Variants in OR7A10 observed in about 807,000 individuals in gnomAD.
The protein encoded by OR7A10 is olfactory receptor family 7 subfamily A member 10, also known as olfactory receptor 7A10.
For synonymous variants in OR7A10, 144 were observed against 144.5 expected, an observed-to-expected ratio of 1.00 and a Z score of 0.02; for missense variants, 358 against 370.1, an observed-to-expected ratio of 0.97 and a Z score of 0.27.
chr19:14,842,995 A>C (rs553678557), intron 1 of OR7A10, among the ~76,000 whole-genome samples: 2 of 152,346 alleles, frequency 1.3e-5, no homozygotes, highest in African/African-American at 4.8e-5. Flanking sequence ...AGCAAAAAAC[A>C]AACAACCCCA....
intron 1 of OR7A10, among the ~76,000 whole-genome samples, chr19:14,844,803 T>C (rs1405847762): frequency 2.0e-5 from 3 of 151,294 alleles, no homozygotes; most frequent in East Asian, 3.9e-4. Context: ...GCTGGGATTA[T>C]AGGCGCCTGC....
rs139561502 is a variant in OR7A10, at chr19:14,841,641, C to A, written c.237G>T (p.Pro79=). The A allele has an allele frequency of 1.3e-5, 21 of 1,614,080 alleles. No individual in the cohort carries two copies. The highest frequency in any genetic ancestry group is 1.7e-5 in the Non-Finnish European group (20 of 1,180,028). The change falls in exon 2 of 2, where the codon CCG becomes CCT. Residue 79 remains proline, a synonymous_variant. Transcript: ENST00000641129. ...VDICFVSTTV[P]KMLVNIQTHN... is the part of the protein sequence containing the mutation. ...GTGTCTGGATGTTCACCAGCATCTT[C>A]GGGACAGTGGTAGAGACAAAACAGA...
chr19:14,840,838 A>G lies in OR7A10; in HGVS notation c.*110T>C, dbSNP rs908557515. ...AACAAAGAAGTTTAAACTCCAGGAAATAAATGGAAGGGGCAAGTCTTCCTT... is the reference window on the plus strand; with the variant it reads ...AACAAAGAAGTTTAAACTCCAGGAAGTAAATGGAAGGGGCAAGTCTTCCTT... On this transcript the variant is annotated 3_prime_UTR_variant, in exon 2 of 2. Coordinates refer to ENST00000641129, the MANE Select transcript of OR7A10 (RefSeq NM_001005190.2). The G allele has an allele frequency of 4.0e-6, 3 of 740,826 alleles. No individual in the cohort carries two copies. The highest frequency in any genetic ancestry group is 6.6e-6 in the Non-Finnish European group (3 of 453,880). The allele number at this position is 740,826 out of a possible 1,614,324, so 45.9% of individuals were successfully genotyped here. A position where few individuals can be genotyped will look rare whatever the true frequency, so the allele number is the denominator to read the frequency against.
chr19:14,842,757 A>T (rs775020995), intron 1 of OR7A10, among the ~76,000 whole-genome samples: 1 of 152,152 alleles, frequency 6.6e-6, no homozygotes, highest in Non-Finnish European at 1.5e-5. Context: ...TTCTTTATCC[A>T]GTCTACCGTT....
chr19:14,841,919 AGAGT>A, intron 1 of OR7A10, 30 bp from the exon 2 acceptor site: 3 of 1,320,798 alleles, frequency 2.3e-6, no homozygotes, highest in South Asian at 1.4e-5. Context: ...AGAGAGAGAG[AGAGT>A]GAAAGAACAT....
chr19:14,841,916 G>A (rs1002181515), intron 1 of OR7A10, 27 bp from the exon 2 acceptor site: 1 of 1,411,498 alleles, frequency 7.1e-7, no homozygotes. Flanking sequence ...GAGAGAGAGA[G>A]AGAGAGTGAA....
Position 14,841,019 on chromosome 19 carries a change from G to A in OR7A10, c.859C>T (p.Pro287Ser), listed in dbSNP as rs756394114. Residue 287 changes from proline to serine, a missense_variant, in exon 2 of 2, where the codon CCC (proline) becomes TCC (serine). Physicochemically the swap from Pro to Ser is moderately conservative, Grantham distance 74. Coordinates refer to ENST00000641129, the MANE Select transcript of OR7A10 (RefSeq NM_001005190.2). ...MYTVVTPMLN[P>S]FIYSLRNKHI... The stretch of plus-strand genomic sequence containing the variant: ...TTATTCCTCAGACTGTAGATGAAGG[G>A]GTTCAGCATGGGGGTGACCACAGTG... 1.1e-5 allele frequency: 18 copies of A among 1,613,918 alleles called. No individual in the cohort carries two copies. The African/African-American group carries it at 1.9e-4, about 17-fold the overall frequency.
intron 1 of OR7A10, among the ~76,000 whole-genome samples, chr19:14,844,360 C>A (rs2044929986): frequency 6.6e-6 from 1 of 152,196 alleles, no homozygotes. Context: ...ACCTTCCCTG[C>A]AGAAGTGTGT....
intron 1 of OR7A10, among the ~76,000 whole-genome samples, chr19:14,844,964 A>G (rs996410289): frequency 1.3e-5 from 2 of 151,312 alleles, no homozygotes; most frequent in African/African-American, 2.4e-5. Context: ...TGCCAGGCCA[A>G]CTTCTGGTCT....
At chr19:14,842,258 G>C (rs2044919416) in intron 1 of OR7A10, among the ~76,000 whole-genome samples, 1 of 152,104 alleles carries the variant, frequency 6.6e-6, no homozygotes. Context: ...CTATTCTCTT[G>C]TTTTCTTTTT....
In OR7A10 at chr19:14,848,774, T is replaced by C. The variant is rs1371106359; in HGVS notation, c.-287A>G. On this transcript the variant is annotated 5_prime_UTR_variant, in exon 1 of 2. An upstream open reading frame in the 5' UTR loses its in-frame stop. Coordinates refer to ENST00000641129, the MANE Select transcript of OR7A10 (RefSeq NM_001005190.2). ...TTTCCTCCTGTTATTCAACCCCTGA[T>C]CACATTCAGTCCCTGTGGGACATTG... The C allele has an allele frequency of 6.6e-6, 1 of 152,224 alleles. No individual in the cohort carries two copies. Among genetic ancestry groups the C allele is most frequent in the Non-Finnish European group, 1.5e-5 (1 of 68,046 alleles). 9.4% of individuals were successfully genotyped at this position (152,224 alleles called of 1,614,324 possible).
At position 14,841,722 on chromosome 19, in the gene OR7A10, G is replaced by T. The variant is rs201371145; in HGVS notation, c.156C>A (p.Asp52Glu). ...NLLIILATISDSHLHTPMYFF... is the reference protein window; with the variant it reads ...NLLIILATISESHLHTPMYFF... ...AGTACATGGGGGTGTGGAGGTGGGA[G>T]TCTGAGATTGTGGCCAGGATGATGA... Residue 52 changes from aspartate to glutamate, a missense_variant, in exon 2 of 2, where the codon GAC (aspartate) becomes GAA (glutamate). By Grantham distance (45) the Asp-to-Glu change is conservative. Coordinates refer to ENST00000641129, the MANE Select transcript of OR7A10 (RefSeq NM_001005190.2). 5 of 1,614,142 alleles carry T rather than the reference G, an allele frequency of 3.1e-6. No homozygotes were observed. In the East Asian group the frequency reaches 1.1e-4, roughly 36 times the overall value.
chr19:14,841,447 A>G lies in OR7A10; in HGVS notation c.431T>C (p.Leu144Pro), dbSNP rs375595682. ...ACTCATGATCCAGGATGCCAGAACC[A>G]GCAGTCCACAGAGTTGAGGGTTCAT... is the stretch of plus-strand genomic sequence containing the variant. Reference protein sequence around the residue: ...VIMNPQLCGLLVLASWIMSVL... With the variant: ...VIMNPQLCGLPVLASWIMSVL... Residue 144 changes from leucine (L) to proline (P), a missense_variant, in exon 2 of 2, where the codon CTG (leucine) becomes CCG (proline). By Grantham distance (98) the Leu-to-Pro change is moderately conservative. Coordinates refer to ENST00000641129, the MANE Select transcript of OR7A10 (RefSeq NM_001005190.2). 1.2e-6 allele frequency: 2 copies of G among 1,614,108 alleles called. No individual in the cohort carries two copies. Among genetic ancestry groups the G allele is most frequent in the African/African-American group, 2.7e-5 (2 of 74,942 alleles).
rs112017208 is a variant in OR7A10 at position 14,841,081 on chromosome 19, T to C, written c.797A>G (p.His266Arg). 1.8e-4 allele frequency: 286 copies of C among 1,614,072 alleles called. 3 individuals carry two copies. The African/African-American group carries it at 3.2e-3, about 18-fold the overall frequency. ...GGCTGCAGCACCTGTGTGTGAATTG[T>C]GGGTGGCAGCAGAACTAAGGTACAC... Reference protein sequence around the residue: ...LGVYLSSAATHNSHTGAAASV... With the variant: ...LGVYLSSAATRNSHTGAAASV... Residue 266 changes from histidine to arginine, a missense_variant, in exon 2 of 2, where the codon CAC becomes CGC. By Grantham distance (29) the His-to-Arg change is conservative. Transcript: ENST00000641129.
intron 1 of OR7A10, among the ~76,000 whole-genome samples, chr19:14,843,016 G>A (rs2044923204): frequency 6.6e-6 from 1 of 152,078 alleles, no homozygotes; most frequent in Admixed American, 6.6e-5. Context: ...TTAAAATGTG[G>A]GCAAAGGACA....
intron 1 of OR7A10, 90 bp from the exon 2 acceptor site, chr19:14,841,979 A>G: frequency 1.3e-6 from 1 of 770,544 alleles, no homozygotes; most frequent in Non-Finnish European, 2.1e-6. Flanking sequence ...TATCATTTAT[A>G]TTCCACAGTC....
Position 14,841,828 on chromosome 19 carries a change from A to G in OR7A10, c.50T>C (p.Ile17Thr), listed in dbSNP as rs2145095680. The change falls in exon 2 of 2, where the codon ATT becomes ACT. Residue 17 changes from isoleucine (I) to threonine (T), a missense_variant. Coordinates refer to ENST00000641129, the MANE Select transcript of OR7A10 (RefSeq NM_001005190.2). ...TIILEFLLLG[I>T]SEEPELQAFL... is the part of the protein sequence containing the mutation. ...GGCCTGCAATTCTGGTTCCTCTGAA[A>G]TTCCCAGGAGAAGAAATTCTAAAAT... is the stretch of plus-strand genomic sequence containing the variant. 1 of 1,613,780 alleles carries G rather than the reference A, an allele frequency of 6.2e-7. No homozygotes were observed. The highest frequency in any genetic ancestry group is 2.2e-5 in the East Asian group (1 of 44,866).
At chr19:14,841,918 G>GAC in intron 1 of OR7A10, 29 bp from the exon 2 acceptor site, 1 of 1,360,984 alleles carries the variant, frequency 7.3e-7, no homozygotes, top group South Asian at 1.4e-5. Flanking sequence ...GAGAGAGAGA[G>GAC]AGAGTGAAAG....
chr19:14,841,108 C>T lies in OR7A10; in HGVS notation c.770G>A (p.Gly257Glu). The change falls in exon 2 of 2, where the codon GGG becomes GAG. Residue 257 changes from glycine (G) to glutamate (E), a missense_variant. Coordinates refer to ENST00000641129, the MANE Select transcript of OR7A10 (RefSeq NM_001005190.2). ...GGTGGCAGCAGAACTAAGGTACACC[C>T]CTAAGCATGTACCATAAAATAAGGA... ...VVSLFYGTCL[G>E]VYLSSAATHN... is the part of the protein sequence containing the mutation. 1.9e-6 allele frequency: 3 copies of T among 1,613,916 alleles called. No individual in the cohort carries two copies. Among genetic ancestry groups the T allele is most frequent in the Non-Finnish European group, 2.5e-6 (3 of 1,179,960 alleles).
Sources: gnomAD v4.1 joint callset for allele counts (sites outside exome capture counted in the v4.1 genomes callset) on GRCh38, gnomAD v4.1.1 for gene constraint, MANE v1.5 for transcripts, NCBI Gene and HGNC (gene_info 2026-07-23, HGNC 2026-07-21) for gene names.